The following C8orf74 variants were observed in gnomAD, a reference collection of about 807,000 sequenced individuals.
C8orf74 encodes chromosome 8 open reading frame 74.
In C8orf74, 29 loss-of-function variants were observed where a neutral mutation model predicts 22.2. The ratio of observed to expected loss-of-function variants is 1.31; its 90% CI spans 0.97 to 1.78. The LOEUF is 1.78. C8orf74 is among the 40% of genes most tolerant of loss of function. The probability of loss-of-function intolerance (pLI) is 0.00; values close to 1 mark genes in which losing one functional copy is unlikely to be tolerated. For synonymous variants in C8orf74, 255 were observed against 163.1 expected (o/e 1.56, Z -4.30); for missense variants, 515 against 369.9 (o/e 1.39, Z -3.22).
At chr8:10,691,208 T>G in intron 2 of C8orf74, 1 of 329,290 alleles carries the variant, frequency 3.0e-6, no homozygotes, top group South Asian at 2.5e-5. Context: ...GGACAAGGTC[T>G]ACACTTGGTT....
chr8:10,696,952 G>A (rs534561493), intron 2 of C8orf74, among the ~76,000 whole-genome samples: 24 of 134,568 alleles, frequency 1.8e-4, no homozygotes, highest in South Asian at 6.7e-4. Context: ...TTATGCCCAG[G>A]AGTTCGAAAA....
At chr8:10,680,452 G>A (rs923779361) in intron 2 of C8orf74, among the ~76,000 whole-genome samples, 1 of 152,214 alleles carries the variant, frequency 6.6e-6, no homozygotes, top group African/African-American at 2.4e-5. Flanking sequence ...ACACAGGATG[G>A]TCCCATATCC....
chr8:10,690,962 G>T (rs1220362260), intron 2 of C8orf74: 1 of 456,152 alleles, frequency 2.2e-6, no homozygotes, highest in South Asian at 1.5e-5. Context: ...AGAGCAACTT[G>T]CAGGCACAGA....
intron 2 of C8orf74, among the ~76,000 whole-genome samples, chr8:10,696,393 A>G (rs1031476868): frequency 2.0e-5 from 3 of 150,194 alleles, no homozygotes; most frequent in Admixed American, 6.6e-5. Context: ...GTATCAATCA[A>G]TCACTGCCTG....
chr8:10,696,513 T>C (rs2129058968), intron 2 of C8orf74, among the ~76,000 whole-genome samples: 1 of 146,936 alleles, frequency 6.8e-6, no homozygotes, highest in East Asian at 2.1e-4. Context: ...TGTAGCTCGA[T>C]CTCAGCTCAC....
At chr8:10,676,466 A>C (rs1799034842) in intron 2 of C8orf74, among the ~76,000 whole-genome samples, 1 of 152,188 alleles carries the variant, frequency 6.6e-6, no homozygotes, top group African/African-American at 2.4e-5. Context: ...TCGATTTACC[A>C]AACAGCGAGT....
chr8:10,680,836 C>G (rs1293491959), intron 2 of C8orf74, among the ~76,000 whole-genome samples: 2 of 152,194 alleles, frequency 1.3e-5, no homozygotes, highest in African/African-American at 4.8e-5. Flanking sequence ...CATTCCAGCT[C>G]TTTTCCACCT....
intron 2 of C8orf74, among the ~76,000 whole-genome samples, chr8:10,695,374 T>G (rs1799469313): frequency 6.6e-6 from 1 of 152,138 alleles, no homozygotes; most frequent in Non-Finnish European, 1.5e-5. Context: ...GCCTGCTGGT[T>G]TGCCATGACA....
chr8:10,674,876 C>A (rs766766901), intron 2 of C8orf74, 38 bp downstream of exon 2: 2 of 1,530,900 alleles, frequency 1.3e-6, no homozygotes, highest in East Asian at 2.4e-5. Flanking sequence ...CAGAGGCTGG[C>A]GGGATGGGGT....
intron 2 of C8orf74, among the ~76,000 whole-genome samples, chr8:10,683,924 C>G (rs1799207864): frequency 6.6e-6 from 1 of 152,226 alleles, no homozygotes; most frequent in Non-Finnish European, 1.5e-5. Flanking sequence ...GAGCCTTCCA[C>G]CGGCTGGCCC....
chr8:10,676,387 C>T (rs1417941143), intron 2 of C8orf74, among the ~76,000 whole-genome samples: 1 of 152,094 alleles, frequency 6.6e-6, no homozygotes, highest in Non-Finnish European at 1.5e-5. Context: ...CTGACCACCC[C>T]CAGGGCCAGC....
intron 2 of C8orf74, among the ~76,000 whole-genome samples, chr8:10,677,902 G>A (rs1035716218): frequency 1.4e-4 from 21 of 152,136 alleles, no homozygotes; most frequent in Non-Finnish European, 2.9e-4. Flanking sequence ...GTGCAATGGC[G>A]ATTTCGAATA....
intron 2 of C8orf74, among the ~76,000 whole-genome samples, chr8:10,696,958 G>GAAAAAAAAAA (rs60560452): frequency 9.6e-6 from 1 of 104,326 alleles, no homozygotes; most frequent in African/African-American, 3.3e-5. Flanking sequence ...CCAGGAGTTC[G>GAAAAAAAAAA]AAAAAAAAAA....
chr8:10,690,667 G>C (rs1434515863), intron 2 of C8orf74, among the ~76,000 whole-genome samples: 2 of 152,108 alleles, frequency 1.3e-5, no homozygotes, highest in Admixed American at 1.3e-4. Flanking sequence ...TTCCAGCCCC[G>C]CAGGGGTGTG....
In C8orf74 at chr8:10,697,861, G is replaced by A; in HGVS notation, c.504G>A (p.Val168=). ...DRDLWIHEQQ[V]ATLTEAEAQK... is the part of the protein sequence containing the mutation. ...ACTTGTGGATCCACGAGCAGCAGGTGGCCACACTGACGGAGGCCGAGGCAC... is the reference window on the plus strand; with the variant it reads ...ACTTGTGGATCCACGAGCAGCAGGTAGCCACACTGACGGAGGCCGAGGCAC... The change falls in exon 3 of 4, where the codon GTG becomes GTA. Residue 168 remains valine (V), a synonymous_variant. Transcript: ENST00000304519. The A allele has an allele frequency of 6.2e-7, 1 of 1,613,416 alleles. No homozygotes were observed. The highest frequency in any genetic ancestry group is 8.5e-7 in the Non-Finnish European group (1 of 1,179,614).
At chr8:10,677,954 G>T (rs757458836) in intron 2 of C8orf74, among the ~76,000 whole-genome samples, 21 of 152,174 alleles carry the variant, frequency 1.4e-4, no homozygotes, top group Non-Finnish European at 2.8e-4. Context: ...ATACCACCTC[G>T]TTCAGACTGG....
At chr8:10,682,091 G>T (rs1799163781) in intron 2 of C8orf74, among the ~76,000 whole-genome samples, 1 of 152,168 alleles carries the variant, frequency 6.6e-6, no homozygotes, top group Non-Finnish European at 1.5e-5. Flanking sequence ...GGAGCCTCCA[G>T]CCTCTCAAGA....
intron 2 of C8orf74, among the ~76,000 whole-genome samples, chr8:10,687,615 CAAAAAAAAAA>C (rs374455264): frequency 1.9e-5 from 1 of 53,076 alleles, no homozygotes; most frequent in African/African-American, 6.4e-5. Context: ...GACTCCATCT[CAAAAAAAAAA>C]AAAAAAAAAA....
intron 2 of C8orf74, among the ~76,000 whole-genome samples, chr8:10,677,375 T>C (rs1005233180): frequency 1.1e-4 from 16 of 152,224 alleles, no homozygotes; most frequent in African/African-American, 3.9e-4. Context: ...CTAGTACCTT[T>C]CATTATTCTT....
Sources: allele counts gnomAD v4.1 joint callset (sites outside exome capture counted in the v4.1 genomes callset), GRCh38; gene constraint gnomAD v4.1.1; transcripts MANE v1.5; gene names NCBI Gene and HGNC (gene_info 2026-07-23, HGNC 2026-07-21).